ANKS1A: variants seen among roughly 807,000 people sequenced by gnomAD.
ANKS1A encodes ankyrin repeat and SAM domain-containing protein 1A.
Under a neutral mutation model 120.3 loss-of-function variants are expected in ANKS1A, and 55 were observed. The ratio of observed to expected loss-of-function variants is 0.46; its 90% CI spans 0.37 to 0.57. The LOEUF is 0.57. Among genes scored for constraint, ANKS1A ranks in the 20% least tolerant of loss-of-function variants. The pLI, the probability that ANKS1A is intolerant of heterozygous loss-of-function variation, is 0.00. For missense variants in ANKS1A, 1,123 were observed against 1,480.3 expected, an observed-to-expected ratio of 0.76 and a Z score of 3.96; for synonymous variants, 590 against 604.7, an observed-to-expected ratio of 0.98 and a Z score of 0.36.
At chr6:35,040,738 A>G (rs1048617750) in intron 11 of ANKS1A, among the ~76,000 whole-genome samples, 2 of 152,224 alleles carry the variant, frequency 1.3e-5, no homozygotes, top group Non-Finnish European at 2.9e-5. Flanking sequence ...CGAAGATGAG[A>G]TTCCTATGCC....
chr6:35,024,132 A>G (rs1360655344), intron 11 of ANKS1A, among the ~76,000 whole-genome samples: 1 of 152,178 alleles, frequency 6.6e-6, no homozygotes, highest in African/African-American at 2.4e-5. Context: ...TTCTCCCTTC[A>G]TCAAGCTGGC....
chr6:35,085,684 C>CATGGTCCCTGCGAGGAAGGGCAT lies in ANKS1A; in HGVS notation c.3133-79_3133-57dup. 7.0e-7 allele frequency: 1 copy of CATGGTCCCTGCGAGGAAGGGCAT among 1,425,470 alleles called. No homozygotes were observed. The highest frequency in any genetic ancestry group is 1.4e-5 in the South Asian group (1 of 69,166). 88.3% of individuals were successfully genotyped at this position (1,425,470 alleles called of 1,614,324 possible). On this transcript the variant is annotated intron_variant, in intron 21 of 23. Coordinates refer to ENST00000360359, the MANE Select transcript of ANKS1A (RefSeq NM_015245.3). This position sits in a 1 kb window ranked among gnomAD's most constrained non-coding sequence, Gnocchi z 4.7. ...TCCCGGGTAGACTTAGAGGGGGACACATGGTCCCTGCGAGGAAGGGCATAT... is the reference window on the plus strand; with the variant it reads ...TCCCGGGTAGACTTAGAGGGGGACACATGGTCCCTGCGAGGAAGGGCATATGGTCCCTGCGAGGAAGGGCATAT...
At chr6:35,032,345 T>C (rs981867835) in intron 11 of ANKS1A, among the ~76,000 whole-genome samples, 1 of 152,176 alleles carries the variant, frequency 6.6e-6, no homozygotes, top group African/African-American at 2.4e-5. Flanking sequence ...CCTGCCCCCT[T>C]GCACTTTGAG....
intron 13 of ANKS1A, among the ~76,000 whole-genome samples, chr6:35,063,095 G>A (rs895330217): frequency 1.9e-4 from 29 of 152,200 alleles, no homozygotes; most frequent in Non-Finnish European, 2.5e-4. Flanking sequence ...CAGACAGAAA[G>A]GGCCTTTGAT....
intron 1 of ANKS1A, among the ~76,000 whole-genome samples, chr6:34,893,817 G>A (rs1407568673): frequency 2.0e-5 from 3 of 152,080 alleles, no homozygotes; most frequent in Non-Finnish European, 2.9e-5. Context: ...ACCTATGTAA[G>A]CCCCAAGCAT....
intron 1 of ANKS1A, among the ~76,000 whole-genome samples, chr6:34,923,117 A>G (rs944980542): frequency 7.2e-5 from 11 of 152,204 alleles, no homozygotes; most frequent in South Asian, 2.1e-4. Context: ...AGGTTGCCCA[A>G]CCGTACTGAG....
chr6:34,890,078 A>C (rs1156315167), intron 1 of ANKS1A, among the ~76,000 whole-genome samples: 1 of 150,528 alleles, frequency 6.6e-6, no homozygotes, highest in African/African-American at 2.4e-5. Flanking sequence ...ACCAGGCTAC[A>C]CAGGACCTCG....
intron 1 of ANKS1A, among the ~76,000 whole-genome samples, chr6:34,917,227 C>T (rs1768208952): frequency 6.6e-6 from 1 of 152,214 alleles, no homozygotes. Context: ...CAGCAGCCTG[C>T]TGACAGTTTT....
intron 1 of ANKS1A, among the ~76,000 whole-genome samples, chr6:34,964,160 A>G (rs1053333313): frequency 2.0e-5 from 3 of 152,274 alleles, no homozygotes; most frequent in Middle Eastern, 6.8e-3. Context: ...CCTAATATCT[A>G]CATGCTCATT....
At chr6:34,903,235 A>G (rs556754938) in intron 1 of ANKS1A, among the ~76,000 whole-genome samples, 94 of 152,086 alleles carry the variant, frequency 6.2e-4, no homozygotes, top group African/African-American at 2.1e-3. Context: ...TTTTTATCCT[A>G]ATATTGTTAC....
At chr6:35,037,558 T>C (rs959746580) in intron 11 of ANKS1A, among the ~76,000 whole-genome samples, 1 of 152,184 alleles carries the variant, frequency 6.6e-6, no homozygotes, top group Non-Finnish European at 1.5e-5. Flanking sequence ...TGGGGAACTC[T>C]GGGAGACTCA....
At chr6:34,931,140 A>G (rs1175940456) in intron 1 of ANKS1A, among the ~76,000 whole-genome samples, 1 of 147,410 alleles carries the variant, frequency 6.8e-6, no homozygotes, top group African/African-American at 2.5e-5. Context: ...CAGCCTCCCA[A>G]GGCTGTTTTC....
intron 11 of ANKS1A, among the ~76,000 whole-genome samples, chr6:35,029,787 T>C (rs1164951228): frequency 2.0e-5 from 3 of 148,462 alleles, no homozygotes; most frequent in African/African-American, 7.3e-5. Flanking sequence ...TATACTTATA[T>C]GTAATATACA....
rs144594693 is a variant in ANKS1A at position 34,910,732 on chromosome 6, G to T, written c.197+21133G>T. 1.9e-3 allele frequency among the ~76,000 whole-genome samples: 296 copies of T among 151,884 alleles called. 2 individuals carry two copies. The highest frequency in any genetic ancestry group is 6.8e-3 in the Middle Eastern group (2 of 294). On this transcript the variant is annotated intron_variant, in intron 1 of 23. Transcript: ENST00000360359. ...AAAAAATTACCCAGGCGTGGTGGTG[G>T]GTGCCTTTAGTCCAGCTATGCAGGT...
At chr6:35,018,360 C>T (rs1439563656) in intron 11 of ANKS1A, among the ~76,000 whole-genome samples, 2 of 152,052 alleles carry the variant, frequency 1.3e-5, no homozygotes, top group East Asian at 3.9e-4. Flanking sequence ...CCCATCAGCC[C>T]CATTGAGAGA....
At chr6:34,890,508 T>C (rs1388090973) in intron 1 of ANKS1A, among the ~76,000 whole-genome samples, 1 of 152,214 alleles carries the variant, frequency 6.6e-6, no homozygotes, top group Non-Finnish European at 1.5e-5. Flanking sequence ...CTCATTGGAT[T>C]AGTCTAAGTG....
intron 1 of ANKS1A, among the ~76,000 whole-genome samples, chr6:34,938,190 T>G (rs1260403231): frequency 2.0e-5 from 3 of 152,258 alleles, no homozygotes; most frequent in African/African-American, 4.8e-5. Context: ...TAATTGCAGT[T>G]TAAAAAGCTT....
intron 11 of ANKS1A, chr6:35,039,494 G>A (rs1407319385): frequency 2.3e-6 from 1 of 444,096 alleles, no homozygotes; most frequent in African/African-American, 2.0e-5. Context: ...ATCACGCCCA[G>A]TCCATCCTGT....
At chr6:35,096,959 T>C in the ANKS1A span, among the ~76,000 whole-genome samples, 3 of 152,124 alleles carry the variant, frequency 2.0e-5, no homozygotes, top group East Asian at 5.8e-4. Context: ...TGGATCCTTC[T>C]AAGATCTCTA....
Sources: gnomAD v4.1 joint callset for allele counts (sites outside exome capture counted in the v4.1 genomes callset) on GRCh38, gnomAD v4.1.1 for gene constraint, Gnocchi (gnomAD v3.1) non-coding constraint, MANE v1.5 for transcripts, NCBI Gene and HGNC (gene_info 2026-07-23, HGNC 2026-07-21) for gene names.